The following PCDHGB2 variants were observed in gnomAD, a reference collection of about 807,000 sequenced individuals.
PCDHGB2 encodes protocadherin gamma-B2.
PCDHGB2 carries 55 observed loss-of-function variants against 59.3 expected under a neutral mutation model. The observed-to-expected ratio is 0.93, with a 90% CI of 0.75 to 1.16. The LOEUF is 1.16. Ranked by LOEUF, PCDHGB2 falls within the 50% of genes most tolerant of loss-of-function variation. The pLI is 0.00. For missense variants in PCDHGB2, 1,228 were observed against 1,198.5 expected, an observed-to-expected ratio of 1.02 and a Z score of -0.36; for synonymous variants, 516 against 512.0, an observed-to-expected ratio of 1.01 and a Z score of -0.11.
intron 2 of PCDHGB2, 119 bp from the exon 3 acceptor site, chr5:141,505,274 C>T: frequency 6.6e-7 from 1 of 1,524,344 alleles, no homozygotes; most frequent in East Asian, 2.3e-5. Flanking sequence ...CTGAGAGAAA[C>T]AGGTCTTGGG....
rs200900873 is a variant in PCDHGB2 at position 141,510,902 on chromosome 5, G to A, written c.2570-45G>A. On this transcript the variant is annotated intron_variant, in intron 3 of 3. Transcript: ENST00000522605. ...GGGGATATAAGACAGTGACTGTTGAGGACCCTAAGTTTAGCTCCCACCTGA... is the reference window on the plus strand; with the variant it reads ...GGGGATATAAGACAGTGACTGTTGAAGACCCTAAGTTTAGCTCCCACCTGA... The A allele has an allele frequency of 1.5e-3, 2,449 of 1,613,462 alleles. 7 individuals carry two copies. The highest frequency in any genetic ancestry group is 1.9e-3 in the Non-Finnish European group (2,206 of 1,179,758).
At chr5:141,371,248 G>T in intron 1 of PCDHGB2, 1 of 1,614,024 alleles carries the variant, frequency 6.2e-7, no homozygotes, top group East Asian at 2.2e-5. Context: ...ATCAATATTG[G>T]CAAGGAAGTG....
intron 1 of PCDHGB2, chr5:141,423,696 T>A: frequency 4.0e-6 from 6 of 1,492,822 alleles, no homozygotes; most frequent in Non-Finnish European, 5.3e-6. Flanking sequence ...ATTGTTGGTG[T>A]CTTGGCACAA....
chr5:141,500,680 T>C (rs999167635), intron 2 of PCDHGB2, among the ~76,000 whole-genome samples: 7 of 152,224 alleles, frequency 4.6e-5, no homozygotes, highest in Non-Finnish European at 7.3e-5. Context: ...AACAGAATTA[T>C]AGCTTTTTTC....
At chr5:141,390,674 T>C (rs1389887545) in intron 1 of PCDHGB2, 1 of 189,116 alleles carries the variant, frequency 5.3e-6, no homozygotes, top group East Asian at 1.5e-4. Flanking sequence ...ATAAAAATAA[T>C]AAAGCCAAAG....
At chr5:141,392,746 G>T in intron 1 of PCDHGB2, 1 of 1,443,974 alleles carries the variant, frequency 6.9e-7, no homozygotes, top group South Asian at 1.5e-5. Flanking sequence ...CATAGCTGCG[G>T]CAAGAAACTA....
chr5:141,389,229 G>A, intron 1 of PCDHGB2: 1 of 1,614,048 alleles, frequency 6.2e-7, no homozygotes, highest in South Asian at 1.1e-5. Context: ...CAACGCTCCG[G>A]TTTTCTCACA....
chr5:141,398,165 G>A (rs574512663), intron 1 of PCDHGB2: 4 of 1,479,272 alleles, frequency 2.7e-6, no homozygotes, highest in South Asian at 2.8e-5. Context: ...CGGGCTGAGA[G>A]GCTGCCAGTG....
intron 1 of PCDHGB2, chr5:141,407,952 G>A (rs1235192174): frequency 2.7e-5 from 17 of 633,328 alleles, no homozygotes; most frequent in Admixed American, 1.4e-4. Context: ...CTGTCGGCCA[G>A]TGCAGAGCAA....
At chr5:141,383,425 C>T in intron 1 of PCDHGB2, 1 of 1,613,980 alleles carries the variant, frequency 6.2e-7, no homozygotes, top group Non-Finnish European at 8.5e-7. Context: ...CAGCCCCAAT[C>T]GCCACTTCTC....
At chr5:141,448,692 G>A (rs913533738) in intron 1 of PCDHGB2, among the ~76,000 whole-genome samples, 6 of 152,072 alleles carry the variant, frequency 3.9e-5, no homozygotes, top group African/African-American at 9.7e-5. Context: ...TGTAATCGCA[G>A]CACTTTGGGA....
Position 141,485,263 on chromosome 5 carries a change from G to A in PCDHGB2, c.2422-9544G>A. 1 of 1,614,162 alleles carries A rather than the reference G, an allele frequency of 6.2e-7. No individual in the cohort carries two copies. On this transcript the variant is annotated intron_variant, in intron 1 of 3. Transcript: ENST00000522605. This position sits in a 1 kb window ranked among gnomAD's most constrained non-coding sequence, Gnocchi z 5.7. ...ACCACCTGGGTTACGTTTGTGGGCA[G>A]ATCCGCTACCCGGTCCCAGAGGAGT...
At chr5:141,366,561 A>T in intron 1 of PCDHGB2, 1 of 1,614,210 alleles carries the variant, frequency 6.2e-7, no homozygotes, top group South Asian at 1.1e-5. Context: ...GTGGGCGTGG[A>T]TGGGGTTCGG....
chr5:141,415,761 T>A (rs1047830043), intron 1 of PCDHGB2: 2 of 1,399,648 alleles, frequency 1.4e-6, no homozygotes, highest in African/African-American at 3.0e-5. Context: ...TTTTTTTTTT[T>A]TTTTTTTTTT....
At chr5:141,414,242 T>TA in intron 1 of PCDHGB2, 2 of 1,613,538 alleles carry the variant, frequency 1.2e-6, no homozygotes, top group Non-Finnish European at 1.7e-6. Context: ...ATCACGTCTC[T>TA]ATTTAGTCCA....
rs199698737 is a variant in PCDHGB2, at chr5:141,438,639, C to T, written c.2422-56168C>T. On this transcript the variant is annotated intron_variant, in intron 1 of 3. Transcript: ENST00000522605. ...ATATATATATATATATATATATACA[C>T]ACACACACACACATATATGTATATA... 7.1e-3 allele frequency among the ~76,000 whole-genome samples: 359 copies of T among 50,816 alleles called. 1 individual carries two copies. Among genetic ancestry groups the T allele is most frequent in the South Asian group, 0.017 (27 of 1,588 alleles). The allele number at this position is 50,816 out of a possible 152,430, so 33.3% of individuals were successfully genotyped here.
chr5:141,372,217 T>A (rs1267940459), intron 1 of PCDHGB2: 1 of 1,613,564 alleles, frequency 6.2e-7, no homozygotes, highest in Admixed American at 1.7e-5. Context: ...TCCTACCACA[T>A]TGTGCAGGCC....
chr5:141,364,414 CG>C, intron 1 of PCDHGB2: 1 of 1,612,330 alleles, frequency 6.2e-7, no homozygotes, highest in Non-Finnish European at 8.5e-7. Flanking sequence ...AGCCAGGATC[CG>C]GGCAGATCCG....
intron 1 of PCDHGB2, among the ~76,000 whole-genome samples, chr5:141,426,005 G>A (rs189148799): frequency 4.1e-4 from 63 of 152,202 alleles, no homozygotes; most frequent in Admixed American, 2.1e-3. Flanking sequence ...AAAGGCTTCC[G>A]GCTGCAGTTT....
Sources: gnomAD v4.1 joint callset for allele counts (sites outside exome capture counted in the v4.1 genomes callset) on GRCh38, gnomAD v4.1.1 for gene constraint, Gnocchi (gnomAD v3.1) non-coding constraint, MANE v1.5 for transcripts, NCBI Gene and HGNC (gene_info 2026-07-23, HGNC 2026-07-21) for gene names.